The following KIR3DL2 variants were observed in gnomAD, a reference collection of about 807,000 sequenced individuals.
The protein encoded by KIR3DL2 is killer cell immunoglobulin-like receptor 3DL2.
A neutral mutation model predicts 41.6 loss-of-function variants in KIR3DL2; 42 were observed. That is an observed-to-expected ratio of 1.01 (90% CI 0.79 to 1.31). The LOEUF is 1.31. Among genes scored for constraint, KIR3DL2 ranks in the 50% most tolerant of loss-of-function variants. The pLI is 0.00. For missense variants in KIR3DL2, 728 were observed against 576.8 expected (o/e 1.26, Z -2.68); for synonymous variants, 230 against 221.3 (o/e 1.04, Z -0.35).
chr19:54,856,872 A>G (rs1195264275), intron 5 of KIR3DL2, among the ~76,000 whole-genome samples: 4 of 152,034 alleles, frequency 2.6e-5, no homozygotes, highest in Admixed American at 6.5e-5. Flanking sequence ...ACAGGATGTT[A>G]TTGTTTCTAT....
At chr19:54,855,957 C>A in intron 5 of KIR3DL2, 45 bp downstream of exon 5, 2 of 1,601,332 alleles carry the variant, frequency 1.2e-6, no homozygotes, top group Admixed American at 1.7e-5. Flanking sequence ...ATCCTAGAGC[C>A]ATAGCTGAGG....
intron 6 of KIR3DL2, among the ~76,000 whole-genome samples, chr19:54,864,861 C>A (rs2065399719): frequency 6.6e-6 from 1 of 151,892 alleles, no homozygotes; most frequent in Non-Finnish European, 1.5e-5. Context: ...CCTTCTCCTG[C>A]CTAATTGCCC....
rs2065507812 is a variant in KIR3DL2, at chr19:54,866,281, C to G, written c.1106-89C>G. The G allele has an allele frequency of 1.4e-5, 19 of 1,374,248 alleles. No homozygotes were observed. In the South Asian group the frequency reaches 2.0e-4, roughly 15 times the overall value. The allele number at this position is 1,374,248 out of a possible 1,614,324, so 85.1% of individuals were successfully genotyped here. ...GCAGCTGAAGAGCCTCAGGCACCTA[C>G]AGCCTCCCCCTGTGGGTTGGTGTCT... is the stretch of plus-strand genomic sequence containing the variant. On this transcript the variant is annotated intron_variant, in intron 7 of 8. Transcript: ENST00000326321.
intron 6 of KIR3DL2, among the ~76,000 whole-genome samples, chr19:54,859,334 T>C (rs1476131859): frequency 1.3e-5 from 2 of 151,926 alleles, no homozygotes; most frequent in Non-Finnish European, 2.9e-5. Flanking sequence ...TTCCTGCAGG[T>C]GAGACCTCCT....
In KIR3DL2 at chr19:54,853,909, A is replaced by G; in HGVS notation, c.518A>G (p.Asp173Gly). 6.2e-7 allele frequency: 1 copy of G among 1,613,328 alleles called. No individual in the cohort carries two copies. The change falls in exon 4 of 9, where the codon GAT becomes GGT. Residue 173 changes from aspartate to glycine, a missense_variant. By Grantham distance (94) the Asp-to-Gly change is moderately conservative. Transcript: ENST00000326321. ...TCACGCCTCGTTGGACAGATCCATGATGGGGTCTCCAAGGCCAACTTCTCC... is the reference window on the plus strand; with the variant it reads ...TCACGCCTCGTTGGACAGATCCATGGTGGGGTCTCCAAGGCCAACTTCTCC... ...DPSRLVGQIH[D>G]GVSKANFSIG... is the part of the protein sequence containing the mutation.
chr19:54,866,575 C>G lies in KIR3DL2; in HGVS notation c.1212C>G (p.Cys404Trp), dbSNP rs147166894. Residue 404 changes from cysteine (C) to tryptophan (W), a missense_variant, in exon 9 of 9, where the codon TGC (cysteine) becomes TGG (tryptophan). By Grantham distance (215) the Cys-to-Trp change is radical. Transcript: ENST00000326321. ...TGACGTACGCACAGTTGGATCACTGCGTTTTCATACAGAGAAAAATCAGTC... is the reference window on the plus strand; with the variant it reads ...TGACGTACGCACAGTTGGATCACTGGGTTTTCATACAGAGAAAAATCAGTC... ...QEVTYAQLDH[C>W]VFIQRKISRP... is the part of the protein sequence containing the mutation. The G allele has an allele frequency of 6.2e-6, 10 of 1,613,868 alleles. No homozygotes were observed. The South Asian group carries it at 9.9e-5, about 16-fold the overall frequency.
At chr19:54,851,576 C>T (rs1490009748) in intron 2 of KIR3DL2, among the ~76,000 whole-genome samples, 5 of 151,436 alleles carry the variant, frequency 3.3e-5, no homozygotes, top group Non-Finnish European at 5.9e-5. Flanking sequence ...CACCCTCCAG[C>T]GTTTCCGTGA....
intron 6 of KIR3DL2, among the ~76,000 whole-genome samples, chr19:54,859,573 T>G (rs1451368773): frequency 6.6e-6 from 1 of 151,806 alleles, no homozygotes; most frequent in Non-Finnish European, 1.5e-5. Context: ...AGCCTTGCCG[T>G]AACAGAGAAC....
intron 1 of KIR3DL2, 39 bp downstream of exon 1, chr19:54,850,548 A>G (rs201256616): frequency 6.2e-7 from 1 of 1,604,556 alleles, no homozygotes; most frequent in Non-Finnish European, 8.5e-7. Flanking sequence ...GAGAGTGGGG[A>G]TGGAGATCTC....
chr19:54,866,837 C>T lies in KIR3DL2; in HGVS notation c.*106C>T, dbSNP rs988431435. The T allele has an allele frequency of 1.6e-5, 20 of 1,248,572 alleles. No individual in the cohort carries two copies. The highest frequency in any genetic ancestry group is 2.0e-5 in the Admixed American group (1 of 49,506). The allele number at this position is 1,248,572 out of a possible 1,614,324, so 77.3% of individuals were successfully genotyped here. A position where few individuals can be genotyped will look rare whatever the true frequency, so the allele number is the denominator to read the frequency against. ...CTTAGGGGATCGCTCTTCCTCACAC[C>T]ACGAATCTGAACATGCCTCTCTCTT... On this transcript the variant is annotated 3_prime_UTR_variant, in exon 9 of 9. Transcript: ENST00000326321.
At chr19:54,865,592 A>G (rs150612943) in intron 6 of KIR3DL2, among the ~76,000 whole-genome samples, 1 of 152,226 alleles carries the variant, frequency 6.6e-6, no homozygotes, top group East Asian at 1.9e-4. Flanking sequence ...CAAAGGGTCA[A>G]ACATCTAAAC....
chr19:54,864,914 G>A (rs2065402801), intron 6 of KIR3DL2, among the ~76,000 whole-genome samples: 1 of 152,076 alleles, frequency 6.6e-6, no homozygotes, highest in South Asian at 2.1e-4. Flanking sequence ...AGTGGTGAAA[G>A]AGGGCATCCC....
At chr19:54,865,593 A>T (rs1218347046) in intron 6 of KIR3DL2, among the ~76,000 whole-genome samples, 4 of 152,204 alleles carry the variant, frequency 2.6e-5, no homozygotes, top group Middle Eastern at 6.8e-3. Flanking sequence ...AAAGGGTCAA[A>T]CATCTAAACT....
chr19:54,867,159 A>T lies in KIR3DL2; in HGVS notation c.*428A>T, dbSNP rs1265067876. 1 of 210,398 alleles carries T rather than the reference A, an allele frequency of 4.8e-6. No homozygotes were observed. Among genetic ancestry groups the T allele is most frequent in the Admixed American group, 5.4e-5 (1 of 18,574 alleles). The allele number at this position is 210,398 out of a possible 1,614,324, so 13.0% of individuals were successfully genotyped here. On this transcript the variant is annotated 3_prime_UTR_variant, in exon 9 of 9. Transcript: ENST00000326321. ...TCAGTAAAATTTATAAATTTTTTTT[A>T]TAACTTCAGTGTAGCTCTCTCCTCT...
At chr19:54,855,082 T>G in intron 4 of KIR3DL2, among the ~76,000 whole-genome samples, 1 of 150,572 alleles carries the variant, frequency 6.6e-6, no homozygotes, top group East Asian at 1.9e-4. Flanking sequence ...AAGACACATA[T>G]ATAAATATAT....
At chr19:54,858,178 C>T (rs1261538283) in intron 5 of KIR3DL2, among the ~76,000 whole-genome samples, 3 of 150,544 alleles carry the variant, frequency 2.0e-5, no homozygotes, top group Non-Finnish European at 4.4e-5. Flanking sequence ...CTATTTTTTG[C>T]TTTGATTACT....
rs879195225 is a variant in KIR3DL2 at position 54,855,710 on chromosome 19, C to T, written c.747C>T (p.Ser249=). The part of the protein sequence containing the change: ...NVTLSCSSWS[S]YDIYHLSREG... ...CCTTGTCCTGTAGCTCCTGGAGCTCCTATGACATCTACCATCTGTCCAGGG... is the reference window on the plus strand; with the variant it reads ...CCTTGTCCTGTAGCTCCTGGAGCTCTTATGACATCTACCATCTGTCCAGGG... Residue 249 remains serine, a synonymous_variant, in exon 5 of 9, where the codon TCC becomes TCT. Coordinates refer to ENST00000326321, the MANE Select transcript of KIR3DL2 (RefSeq NM_006737.4). 6.2e-7 allele frequency: 1 copy of T among 1,613,304 alleles called. No homozygotes were observed.
intron 3 of KIR3DL2, among the ~76,000 whole-genome samples, chr19:54,853,251 G>C (rs1472128288): frequency 6.6e-6 from 1 of 151,762 alleles, no homozygotes; most frequent in Middle Eastern, 3.4e-3. Context: ...CCAGCACCAG[G>C]GACCACCCTA....
Position 54,854,182 on chromosome 19 carries a change from A to T in KIR3DL2, c.655+136A>T, listed in dbSNP as rs1177663729. The T allele has an allele frequency of 2.7e-6, 3 of 1,096,598 alleles. No homozygotes were observed. In the Admixed American group the frequency reaches 5.6e-5, roughly 20 times the overall value. 67.9% of individuals were successfully genotyped at this position (1,096,598 alleles called of 1,614,324 possible). On this transcript the variant is annotated intron_variant, in intron 4 of 8. Coordinates refer to ENST00000326321, the MANE Select transcript of KIR3DL2 (RefSeq NM_006737.4). Reference sequence around the variant, plus strand: ...GAGAGACTGACTCGGTGAGGTCTGTACCAACAGAGACAGGGAAACAGGAGA... The same window carrying T: ...GAGAGACTGACTCGGTGAGGTCTGTTCCAACAGAGACAGGGAAACAGGAGA...
Sources: gnomAD v4.1 joint callset for allele counts (sites outside exome capture counted in the v4.1 genomes callset) on GRCh38, gnomAD v4.1.1 for gene constraint, MANE v1.5 for transcripts, NCBI Gene and HGNC (gene_info 2026-07-23, HGNC 2026-07-21) for gene names.